The following LIMCH1 variants were observed in gnomAD, a reference collection of about 807,000 sequenced individuals.
LIMCH1 encodes LIM and calponin homology domains-containing protein 1.
A neutral mutation model predicts 176.5 loss-of-function variants in LIMCH1; 113 were observed. The ratio of observed to expected loss-of-function variants is 0.64; its 90% CI spans 0.55 to 0.75. The LOEUF is 0.75. Ranked by LOEUF, LIMCH1 falls within the 30% of genes least tolerant of loss-of-function variation. LIMCH1 has a pLI of 0.00. For synonymous variants in LIMCH1, 619 were observed against 645.9 expected (o/e 0.96, Z 0.63); for missense variants, 1,674 against 1,814.9 (o/e 0.92, Z 1.41).
At chr4:41,545,857 T>C (rs1437354417) in intron 1 of LIMCH1, among the ~76,000 whole-genome samples, 2 of 152,200 alleles carry the variant, frequency 1.3e-5, no homozygotes, top group African/African-American at 4.8e-5. Flanking sequence ...GTTTCATACT[T>C]ACTTGGCAGT....
At chr4:41,447,621 T>A (rs1422683000) in intron 1 of LIMCH1, among the ~76,000 whole-genome samples, 1 of 152,182 alleles carries the variant, frequency 6.6e-6, no homozygotes, top group Non-Finnish European at 1.5e-5. Context: ...GAAGGAAAAT[T>A]CTTGTTGAGT....
intron 1 of LIMCH1, chr4:41,473,252 C>A: frequency 3.2e-6 from 3 of 936,326 alleles, no homozygotes; most frequent in South Asian, 4.9e-5. Context: ...TTTGACTTTG[C>A]TCAGGTTTGT....
intron 1 of LIMCH1, among the ~76,000 whole-genome samples, chr4:41,462,667 A>G (rs2065541321): frequency 6.6e-6 from 1 of 152,224 alleles, no homozygotes; most frequent in Non-Finnish European, 1.5e-5. Context: ...AACTGAAAAG[A>G]GCACAAGTTT....
At chr4:41,613,346 C>T in intron 4 of LIMCH1, 120 bp from the exon 5 acceptor site, 1 of 898,630 alleles carries the variant, frequency 1.1e-6, no homozygotes, top group Non-Finnish European at 1.7e-6. Context: ...AACTGGTTTC[C>T]ACAACCTTTC....
In LIMCH1 at chr4:41,576,306, A is replaced by G. The variant is rs537671365; in HGVS notation, c.-240-22614A>G. Reference sequence around the variant, plus strand: ...TTTTTTTAAATTTCAAAAGTAACTTATTGTTTTATCTTATTATAAAGGCAA... The same window carrying G: ...TTTTTTTAAATTTCAAAAGTAACTTGTTGTTTTATCTTATTATAAAGGCAA... On this transcript the variant is annotated intron_variant, in intron 1 of 31. Coordinates refer to ENST00000503057, the MANE Select transcript of LIMCH1 (RefSeq NM_001330672.2). Among the ~76,000 whole-genome samples the G allele has an allele frequency of 3.5e-5, 5 of 143,750 alleles. No homozygotes were observed. In the East Asian group the frequency reaches 9.6e-4, roughly 28 times the overall value. The allele number at this position is 143,750 out of a possible 152,430, so 94.3% of individuals were successfully genotyped here.
At chr4:41,556,395 C>CA (rs71198668) in intron 1 of LIMCH1, among the ~76,000 whole-genome samples, 19,943 of 83,692 alleles carry the variant, frequency 0.24, 2,567 homozygotes, top group African/African-American at 0.37. Flanking sequence ...AACTCTATCT[C>CA]AAAAAAAAAA....
At chr4:41,470,828 A>G (rs761385497) in intron 1 of LIMCH1, among the ~76,000 whole-genome samples, 1 of 151,882 alleles carries the variant, frequency 6.6e-6, no homozygotes, top group Admixed American at 6.6e-5. Flanking sequence ...CTCTGACCGC[A>G]TATTTCGTTC....
At chr4:41,521,252 T>G (rs1245895219) in intron 2 of LIMCH1, among the ~76,000 whole-genome samples, 1 of 152,190 alleles carries the variant, frequency 6.6e-6, no homozygotes, top group Non-Finnish European at 1.5e-5. Flanking sequence ...CTGTCCCAGC[T>G]GTGCTTCAGA....
intron 1 of LIMCH1, among the ~76,000 whole-genome samples, chr4:41,469,795 C>G (rs2066685106): frequency 6.6e-6 from 1 of 152,026 alleles, no homozygotes; most frequent in East Asian, 1.9e-4. Context: ...AATTCTCCTG[C>G]CTCAGCCTCC....
intron 20 of LIMCH1, among the ~76,000 whole-genome samples, chr4:41,666,326 G>A (rs545777587): frequency 4.6e-5 from 7 of 152,152 alleles, no homozygotes; most frequent in Non-Finnish European, 8.8e-5. Flanking sequence ...GAGAAAAGTG[G>A]TCATTACGTT....
chr4:41,488,901 C>G (rs1357079707), intron 1 of LIMCH1, among the ~76,000 whole-genome samples: 4 of 151,970 alleles, frequency 2.6e-5, no homozygotes, highest in Non-Finnish European at 5.9e-5. Flanking sequence ...GTAGAATTGC[C>G]TTATTTCTTC....
At chr4:41,391,699 T>C (rs2057262182) in intron 1 of LIMCH1, among the ~76,000 whole-genome samples, 1 of 152,106 alleles carries the variant, frequency 6.6e-6, no homozygotes, top group Non-Finnish European at 1.5e-5. Flanking sequence ...TTCTACAAAG[T>C]ATCCAACCAA....
chr4:41,606,535 A>G (rs776149293), intron 4 of LIMCH1, among the ~76,000 whole-genome samples: 1 of 152,214 alleles, frequency 6.6e-6, no homozygotes, highest in Non-Finnish European at 1.5e-5. Flanking sequence ...TTTGAATGAC[A>G]TAGGAATTTG....
intron 1 of LIMCH1, among the ~76,000 whole-genome samples, chr4:41,430,536 A>G (rs1056413675): frequency 2.0e-5 from 3 of 152,244 alleles, no homozygotes; most frequent in Non-Finnish European, 2.9e-5. Context: ...TGCTGGGATT[A>G]CAGGCTTGAG....
At chr4:41,605,191 C>T (rs1002711276) in intron 3 of LIMCH1, among the ~76,000 whole-genome samples, 1 of 152,088 alleles carries the variant, frequency 6.6e-6, no homozygotes, top group Non-Finnish European at 1.5e-5. Context: ...AGCTTCAGAC[C>T]ATTGAATACT....
At chr4:41,591,599 C>T (rs1178257070) in intron 1 of LIMCH1, among the ~76,000 whole-genome samples, 2 of 152,126 alleles carry the variant, frequency 1.3e-5, no homozygotes, top group African/African-American at 4.8e-5. Flanking sequence ...AAAATGAGAA[C>T]TTCAAAAGTG....
chr4:41,450,785 A>G (rs2063780946), intron 1 of LIMCH1, among the ~76,000 whole-genome samples: 1 of 117,604 alleles, frequency 8.5e-6, no homozygotes, highest in Non-Finnish European at 1.6e-5. Context: ...ATAGAGCAAG[A>G]CTCTCTCTCT....
intron 3 of LIMCH1, chr4:41,524,582 A>C: frequency 1.2e-6 from 1 of 862,478 alleles, no homozygotes; most frequent in Non-Finnish European, 2.0e-6. Flanking sequence ...TATATATTCC[A>C]CTTGAATGAG....
intron 7 of LIMCH1, among the ~76,000 whole-genome samples, chr4:41,623,040 A>G (rs1391449080): frequency 6.6e-6 from 1 of 152,146 alleles, no homozygotes; most frequent in African/African-American, 2.4e-5. Context: ...CCAGCCTGGC[A>G]TGTCTACGTC....
Sources: allele counts gnomAD v4.1 joint callset (sites outside exome capture counted in the v4.1 genomes callset), GRCh38; gene constraint gnomAD v4.1.1; transcripts MANE v1.5; gene names NCBI Gene and HGNC (gene_info 2026-07-23, HGNC 2026-07-21).